Variants in FRAS1 observed in about 807,000 individuals in gnomAD.
FRAS1 encodes the protein Fraser extracellular matrix complex subunit 1, also known as extracellular matrix organizing protein FRAS1.
In FRAS1, 290 loss-of-function variants were observed where a neutral mutation model predicts 435.2. That is an observed-to-expected ratio of 0.67 (90% CI 0.61 to 0.73). The LOEUF (loss-of-function observed/expected upper bound fraction) is 0.73. FRAS1 is among the 30% of genes least tolerant of loss of function. The pLI, the probability that FRAS1 is intolerant of heterozygous loss-of-function variation, is 0.00. For synonymous variants in FRAS1, 1,800 were observed against 1,851.0 expected (o/e 0.97, Z 0.71); for missense variants, 4,860 against 5,001.5 (o/e 0.97, Z 0.85).
intron 18 of FRAS1, among the ~76,000 whole-genome samples, chr4:78,330,248 C>G (rs1729891651): frequency 6.6e-6 from 1 of 152,208 alleles, no homozygotes; most frequent in Non-Finnish European, 1.5e-5. Context: ...CTTCCCCAAT[C>G]AATACCCTTG....
Position 78,372,112 on chromosome 4 carries a change from G to A in FRAS1, c.2870-606G>A, listed in dbSNP as rs79202872. ...AGCAAATTAACATGTAATTGAGTCC[G>A]TTCTAATGCCTAAATGAGACCTTCT... On this transcript the variant is annotated intron_variant, in intron 23 of 73. Coordinates refer to ENST00000512123, the MANE Select transcript of FRAS1 (RefSeq NM_025074.7). 5.5e-3 allele frequency among the ~76,000 whole-genome samples: 842 copies of A among 152,282 alleles called. 5 individuals carry two copies. The highest frequency in any genetic ancestry group is 0.019 in the African/African-American group (793 of 41,544).
At chr4:78,441,892 G>C (rs1158941598) in intron 41 of FRAS1, among the ~76,000 whole-genome samples, 1 of 152,220 alleles carries the variant, frequency 6.6e-6, no homozygotes, top group Non-Finnish European at 1.5e-5. Context: ...GAACACTCTG[G>C]TGGTTATCAC....
chr4:78,135,878 T>C (rs1168126984), intron 2 of FRAS1, among the ~76,000 whole-genome samples: 1 of 152,198 alleles, frequency 6.6e-6, no homozygotes, highest in African/African-American at 2.4e-5. Flanking sequence ...CCACGAACAC[T>C]GAATTAACAA....
intron 58 of FRAS1, among the ~76,000 whole-genome samples, chr4:78,483,112 G>A (rs537561054): frequency 2.0e-5 from 3 of 152,310 alleles, no homozygotes; most frequent in South Asian, 2.1e-4. Context: ...ATAGAAGAAT[G>A]GAATGGAAAG....
chr4:78,214,280 T>C (rs143647957), intron 2 of FRAS1, among the ~76,000 whole-genome samples: 1 of 152,254 alleles, frequency 6.6e-6, no homozygotes, highest in Admixed American at 6.5e-5. Context: ...AGTATGTGGT[T>C]GGATTAGGAA....
At chr4:78,523,392 G>A (rs1289017872) in intron 69 of FRAS1, among the ~76,000 whole-genome samples, 4 of 151,986 alleles carry the variant, frequency 2.6e-5, no homozygotes, top group Non-Finnish European at 4.4e-5. Context: ...CCCATGTGTC[G>A]TTTACAAGAT....
chr4:78,448,477 A>G (rs544037973), intron 44 of FRAS1, among the ~76,000 whole-genome samples, 161 bp downstream of exon 44: 1 of 152,168 alleles, frequency 6.6e-6, no homozygotes, highest in Non-Finnish European at 1.5e-5. Flanking sequence ...TGTTTTTGGG[A>G]TACTAAGAAT....
At chr4:78,521,821 G>T (rs925493691) in intron 68 of FRAS1, among the ~76,000 whole-genome samples, 191 bp downstream of exon 68, 3 of 152,006 alleles carry the variant, frequency 2.0e-5, no homozygotes, top group African/African-American at 7.3e-5. Flanking sequence ...TGCAGACTTC[G>T]TGTCAAGTTA....
intron 6 of FRAS1, among the ~76,000 whole-genome samples, chr4:78,257,487 A>G (rs1055619094): frequency 5.9e-5 from 9 of 152,214 alleles, no homozygotes; most frequent in Non-Finnish European, 1.0e-4. Context: ...CAGGTCTTGA[A>G]TTCTGGAAAA....
At chr4:78,169,783 A>AG (rs60570567) in intron 2 of FRAS1, among the ~76,000 whole-genome samples, 124,325 of 151,922 alleles carry the variant, frequency 0.82, 51,308 homozygotes, top group Non-Finnish European at 0.88. Context: ...AACTGAAACA[A>AG]AACTTGGGAC....
intron 66 of FRAS1, among the ~76,000 whole-genome samples, chr4:78,519,116 G>A (rs76237393): frequency 0.14 from 21,227 of 152,208 alleles, 1,782 homozygotes; most frequent in Non-Finnish European, 0.2. Flanking sequence ...GCCTCTGCAC[G>A]TGACCCTGTC....
chr4:78,445,933 T>G (rs1718808388), intron 42 of FRAS1: 1 of 1,316,118 alleles, frequency 7.6e-7, no homozygotes, highest in Non-Finnish European at 9.6e-7. Flanking sequence ...AGGATTGAAT[T>G]TATTTGTTCG....
intron 29 of FRAS1, among the ~76,000 whole-genome samples, chr4:78,388,335 A>G (rs1732306665): frequency 6.6e-6 from 1 of 151,694 alleles, no homozygotes; most frequent in Non-Finnish European, 1.5e-5. Context: ...AAAAACCAAA[A>G]AAAAAAAAAA....
chr4:78,461,997 T>C (rs908646437), intron 47 of FRAS1, among the ~76,000 whole-genome samples: 1 of 152,054 alleles, frequency 6.6e-6, no homozygotes, highest in Non-Finnish European at 1.5e-5. Context: ...GAAGCGTAAG[T>C]TGGAAACTTG....
intron 2 of FRAS1, among the ~76,000 whole-genome samples, chr4:78,141,545 G>A (rs141914474): frequency 2.0e-5 from 3 of 152,110 alleles, no homozygotes; most frequent in African/African-American, 7.2e-5. Flanking sequence ...GAAATCACTG[G>A]ATCAAGATCC....
intron 2 of FRAS1, chr4:78,070,766 A>G (rs1030547624): frequency 6.6e-6 from 1 of 152,250 alleles, no homozygotes; most frequent in Non-Finnish European, 1.5e-5. Flanking sequence ...CTCCTTTTGC[A>G]TCACCACAAG....
At chr4:78,496,687 T>G in intron 59 of FRAS1, 118 bp from the exon 60 acceptor site, 1 of 1,000,916 alleles carries the variant, frequency 1.0e-6, no homozygotes, top group Non-Finnish European at 1.5e-6. Flanking sequence ...ACTGGATCCT[T>G]TTGAATTTGT....
At chr4:78,448,864 G>A (rs919615865) in intron 44 of FRAS1, among the ~76,000 whole-genome samples, 2 of 152,194 alleles carry the variant, frequency 1.3e-5, no homozygotes, top group African/African-American at 4.8e-5. Context: ...ACAAGTGTGA[G>A]TCTTGAACAG....
chr4:78,346,946 A>T (rs1730625630), intron 20 of FRAS1, among the ~76,000 whole-genome samples: 1 of 151,534 alleles, frequency 6.6e-6, no homozygotes, highest in South Asian at 2.1e-4. Flanking sequence ...TCTTTCCTCC[A>T]GGGCCCTTGT....
Sources: gnomAD v4.1 joint callset for allele counts (sites outside exome capture counted in the v4.1 genomes callset) on GRCh38, gnomAD v4.1.1 for gene constraint, MANE v1.5 for transcripts, NCBI Gene and HGNC (gene_info 2026-07-23, HGNC 2026-07-21) for gene names.